Variants in CAPRIN2 observed in about 807,000 individuals in gnomAD.
CAPRIN2 encodes the protein caprin-2.
A neutral mutation model predicts 130.4 loss-of-function variants in CAPRIN2; 66 were observed. The ratio of observed to expected loss-of-function variants is 0.51; its 90% CI spans 0.42 to 0.62. The LOEUF is 0.62. Ranked by LOEUF, CAPRIN2 falls within the 20% of genes least tolerant of loss-of-function variation. The probability of loss-of-function intolerance (pLI) is 0.00; values close to 1 mark genes in which losing one functional copy is unlikely to be tolerated. For missense variants in CAPRIN2, 1,185 were observed against 1,246.6 expected (o/e 0.95, Z 0.74); for synonymous variants, 471 against 444.1 (o/e 1.06, Z -0.76).
rs368154769 is a variant in CAPRIN2, at chr12:30,723,336, G to A, written c.1988-22C>T. On this transcript the variant is annotated intron_variant, in intron 10 of 16. Coordinates refer to ENST00000298892, the Ensembl canonical transcript of CAPRIN2. ...GATGCTGCAAGGAGTAAAATAAACA[G>A]TAACTACTGAGGGAAGACAAAAGCT... The A allele has an allele frequency of 7.0e-6, 11 of 1,570,982 alleles. No individual in the cohort carries two copies. In the African/African-American group the frequency reaches 1.4e-4, roughly 19 times the overall value.
chr12:30,723,164 T>A, intron 11 of CAPRIN2, 95 bp downstream of exon 12: 1 of 825,080 alleles, frequency 1.2e-6, no homozygotes. Context: ...ATAATTTCAT[T>A]AGGTACATGA....
intron 3 of CAPRIN2, 77 bp from the exon 5 acceptor site, chr12:30,735,283 A>G: frequency 9.4e-7 from 1 of 1,063,796 alleles, no homozygotes; most frequent in South Asian, 1.3e-5. Context: ...ACAAAGTCTA[A>G]ACCCAAATAG....
intron 16 of CAPRIN2, among the ~76,000 whole-genome samples, chr12:30,711,219 G>C (rs1466436859): frequency 6.6e-6 from 1 of 152,132 alleles, no homozygotes; most frequent in African/African-American, 2.4e-5. Flanking sequence ...TTAATGCAGT[G>C]ACACTACAGT....
intron 2 of CAPRIN2, among the ~76,000 whole-genome samples, chr12:30,746,420 A>G (rs1418608057): frequency 6.6e-6 from 1 of 152,174 alleles, no homozygotes; most frequent in Non-Finnish European, 1.5e-5. Context: ...GACAAAAACC[A>G]CAGAATGTAC....
chr12:30,749,374 C>T (rs576291229), intron 2 of CAPRIN2, among the ~76,000 whole-genome samples: 1 of 152,310 alleles, frequency 6.6e-6, no homozygotes, highest in South Asian at 2.1e-4. Context: ...ACCATCTTGA[C>T]TTGCATCAGT....
chr12:30,715,326 T>C (rs1012936794), intron 13 of CAPRIN2, 185 bp from the exon 16 acceptor site: 1 of 656,452 alleles, frequency 1.5e-6, no homozygotes, highest in Non-Finnish European at 2.7e-6. Flanking sequence ...TATAATGGAA[T>C]ATTATTCAGC....
intron 8 of CAPRIN2, chr12:30,728,396 T>C (rs1023344641): frequency 5.6e-6 from 2 of 360,234 alleles, no homozygotes; most frequent in Middle Eastern, 8.1e-4. Flanking sequence ...CTACTAAAAA[T>C]ACAAAAAAAT....
exon 8 of CAPRIN2, chr12:30,729,004 T>C (rs2061761633): frequency 1.2e-6 from 2 of 1,614,216 alleles, no homozygotes; most frequent in Admixed American, 1.7e-5. Context: ...GATTTAGGTG[T>C]ATCTTGCTTC....
chr12:30,740,048 T>C (rs1314450688), intron 3 of CAPRIN2, among the ~76,000 whole-genome samples: 1 of 152,140 alleles, frequency 6.6e-6, no homozygotes, highest in African/African-American at 2.4e-5. Context: ...ATGGTAAATG[T>C]CTCCAGCCTA....
chr12:30,720,931 T>C lies in CAPRIN2; in HGVS notation c.2044-16A>G. 3 of 1,554,408 alleles carry C rather than the reference T, an allele frequency of 1.9e-6. No homozygotes were observed. Among genetic ancestry groups the C allele is most frequent in the Non-Finnish European group, 2.7e-6 (3 of 1,126,216 alleles). On this transcript the variant is annotated splice_polypyrimidine_tract_variant and intron_variant, in intron 11 of 16. Transcript: ENST00000298892. Reference sequence around the variant, plus strand: ...AAGAAGTAGCCTAGACACAGGAAAATACAAAATATTGTAAAAGGCACATTT... The same window carrying C: ...AAGAAGTAGCCTAGACACAGGAAAACACAAAATATTGTAAAAGGCACATTT...
chr12:30,727,868 T>A (rs1253757839), intron 8 of CAPRIN2, among the ~76,000 whole-genome samples: 1 of 152,162 alleles, frequency 6.6e-6, no homozygotes, highest in Non-Finnish European at 1.5e-5. Flanking sequence ...ACCATAAACC[T>A]TCTTCATAAA....
At chr12:30,735,700 C>T (rs1592171321) in intron 3 of CAPRIN2, among the ~76,000 whole-genome samples, 1 of 152,010 alleles carries the variant, frequency 6.6e-6, no homozygotes, top group African/African-American at 2.4e-5. Context: ...AGTGTAATGC[C>T]AAAAACCAGC....
At chr12:30,750,750 G>A (rs770011315) in intron 2 of CAPRIN2, among the ~76,000 whole-genome samples, 3 of 152,164 alleles carry the variant, frequency 2.0e-5, no homozygotes, top group Admixed American at 1.3e-4. Flanking sequence ...GAAAGGTAGA[G>A]TATGCCTTCT....
intron 12 of CAPRIN2, chr12:30,719,215 G>A (rs1337961775): frequency 6.2e-7 from 1 of 1,613,718 alleles, no homozygotes; most frequent in Non-Finnish European, 8.5e-7. Flanking sequence ...CTTGCCTGGG[G>A]GAATTGCTGC....
exon 17 of CAPRIN2, chr12:30,709,882 T>A: frequency 6.3e-7 from 1 of 1,578,320 alleles, no homozygotes. Flanking sequence ...ATCCTTTTAT[T>A]GTCAATACTG....
chr12:30,741,091 AT>A lies in CAPRIN2; in HGVS notation c.498del (p.Lys166AsnfsTer22). On this transcript the variant is annotated frameshift_variant, in exon 3 of 17. Transcript: ENST00000298892. LOFTEE classifies it high-confidence loss of function. The stretch of plus-strand genomic sequence containing the variant: ...TCCAAATTATGTAGCACTTCTTCAT[AT>A]TTCTCTACAGCTTCCTACCAAATAG... 6.2e-7 allele frequency: 1 copy of A among 1,605,794 alleles called. No homozygotes were observed. Among genetic ancestry groups the A allele is most frequent in the Non-Finnish European group, 8.5e-7 (1 of 1,174,098 alleles).
At chr12:30,741,437 C>T (rs2067373464) in intron 2 of CAPRIN2, among the ~76,000 whole-genome samples, 1 of 152,062 alleles carries the variant, frequency 6.6e-6, no homozygotes, top group Admixed American at 6.6e-5. Context: ...AATATTCATT[C>T]ACTACTCAAA....
exon 2 of CAPRIN2, chr12:30,751,107 G>T: frequency 1.2e-6 from 2 of 1,613,844 alleles, no homozygotes; most frequent in Non-Finnish European, 1.7e-6. Context: ...CACTTTTCAG[G>T]CGATCCTTAT....
chr12:30,743,176 T>C (rs2068319207), intron 2 of CAPRIN2, among the ~76,000 whole-genome samples: 1 of 133,040 alleles, frequency 7.5e-6, no homozygotes, highest in South Asian at 2.6e-4. Flanking sequence ...TGTGCCTTCA[T>C]ACAAAACTTT....
Sources: allele counts gnomAD v4.1 joint callset (sites outside exome capture counted in the v4.1 genomes callset), GRCh38; gene constraint gnomAD v4.1.1; transcripts MANE v1.5; gene names NCBI Gene and HGNC (gene_info 2026-07-23, HGNC 2026-07-21).